IFT122: variants seen among roughly 807,000 people sequenced by gnomAD.
The protein encoded by IFT122 is intraflagellar transport 122.
IFT122 carries 118 observed loss-of-function variants against 161.6 expected under a neutral mutation model. The ratio of observed to expected loss-of-function variants is 0.73; its 90% CI spans 0.63 to 0.85. IFT122 has a LOEUF of 0.85. Ranked by LOEUF, IFT122 falls within the 40% of genes least tolerant of loss-of-function variation. IFT122 has a pLI of 0.00. For missense variants in IFT122, 1,381 were observed against 1,579.6 expected, an observed-to-expected ratio of 0.87 and a Z score of 2.13; for synonymous variants, 550 against 602.4, an observed-to-expected ratio of 0.91 and a Z score of 1.27.
chr3:129,472,251 T>C (rs1205607953), intron 9 of IFT122, among the ~76,000 whole-genome samples: 1 of 152,104 alleles, frequency 6.6e-6, no homozygotes, highest in East Asian at 1.9e-4. Flanking sequence ...CCCCCTGGGC[T>C]CAAGGAATCT....
At chr3:129,451,648 T>C (rs1266429520) in intron 2 of IFT122, among the ~76,000 whole-genome samples, 1 of 152,202 alleles carries the variant, frequency 6.6e-6, no homozygotes, top group Non-Finnish European at 1.5e-5. Flanking sequence ...GTATAAAGAA[T>C]TTCCATGGAG....
chr3:129,461,197 G>A (rs184862282), intron 4 of IFT122, 31 bp from the exon 5 acceptor site: 217 of 1,545,912 alleles, frequency 1.4e-4, no homozygotes, highest in Admixed American at 6.2e-4. Context: ...GTGGTTTGCT[G>A]CATAGTAATC....
rs148188237 is a variant in IFT122 at position 129,502,759 on chromosome 3, G to C, written c.2424G>C (p.Leu808=). 3.8e-5 allele frequency: 61 copies of C among 1,612,078 alleles called. No homozygotes were observed. The African/African-American group carries it at 7.5e-4, about 20-fold the overall frequency. ...RKLDKAEREP[L]LLCATYLKKL... ...TGGACAAGGCTGAGCGCGAGCCCCT[G>C]CTGCTGTGCGCTACCTACCTCAAGA... Residue 808 remains leucine, a synonymous_variant, in exon 20 of 30, where the codon CTG becomes CTC. Coordinates refer to ENST00000348417, the MANE Select transcript of IFT122 (RefSeq NM_052989.3).
At chr3:129,470,064 T>A (rs926690706) in intron 9 of IFT122, among the ~76,000 whole-genome samples, 1 of 151,866 alleles carries the variant, frequency 6.6e-6, no homozygotes. Context: ...CATCTTTGAG[T>A]TAGGCTAAGG....
At chr3:129,440,399 C>T (rs933960685) in intron 1 of IFT122, 28 bp downstream of exon 1, 1 of 1,549,556 alleles carries the variant, frequency 6.5e-7, no homozygotes, top group African/African-American at 1.4e-5. Flanking sequence ...TCGCGAAGAG[C>T]AGGAGGTCGA....
chr3:129,504,321 C>T lies in IFT122; in HGVS notation c.2550C>T (p.Ala850=), dbSNP rs1332593240. ...LHVETQRWDE[A]FALGEKHPEF... is the part of the protein sequence containing the mutation. The stretch of plus-strand genomic sequence containing the variant: ...ACTTCATTTGCTCCTTCCCCCAGGC[C>T]TTTGCTTTGGGTGAGAAGCATCCTG... Residue 850 remains alanine, a splice_region_variant and synonymous_variant, in exon 21 of 30, where the codon GCC becomes GCT. Coordinates refer to ENST00000348417, the MANE Select transcript of IFT122 (RefSeq NM_052989.3). The T allele has an allele frequency of 6.2e-7, 1 of 1,613,310 alleles. No individual in the cohort carries two copies.
Position 129,440,357 on chromosome 3 carries a change from T to G in IFT122, c.27T>G (p.Asp9Glu), listed in dbSNP as rs1279088344. 23 of 1,550,542 alleles carry G rather than the reference T, an allele frequency of 1.5e-5. 1 individual carries two copies. The East Asian group carries it at 2.2e-4, about 15-fold the overall frequency. The change falls in exon 1 of 30, where the codon GAT becomes GAG. Residue 9 changes from aspartate (D) to glutamate (E), a missense_variant. Around this residue, in one of 7 missense-constraint regions of IFT122, gnomAD observed 134 missense variants for 137.4 expected, o/e 0.98. Coordinates refer to ENST00000348417, the MANE Select transcript of IFT122 (RefSeq NM_052989.3). ...TGAGGGCCGTGTTGACGTGGAGAGA[T>G]AAAGCCGAGCACTGGTGAGGAGCGG... MRAVLTWR[D>E]KAEHCINDIA...
intron 1 of IFT122, among the ~76,000 whole-genome samples, chr3:129,441,116 T>C (rs1006051021): frequency 6.6e-6 from 1 of 152,268 alleles, no homozygotes; most frequent in Non-Finnish European, 1.5e-5. Context: ...TCCATTGTTA[T>C]CGCCTAAATC....
intron 4 of IFT122, chr3:129,459,227 C>A: frequency 4.5e-6 from 2 of 442,936 alleles, no homozygotes; most frequent in East Asian, 7.1e-5. Flanking sequence ...ATTCTGGTGA[C>A]TGATCAGTAT....
At chr3:129,493,898 G>A (rs144515719) in intron 17 of IFT122, among the ~76,000 whole-genome samples, 97 of 152,288 alleles carry the variant, frequency 6.4e-4, no homozygotes, top group Non-Finnish European at 1.1e-3. Flanking sequence ...TGGGAAGTGC[G>A]TTAAAGTAAA....
chr3:129,486,412 A>G (rs1028591096), intron 15 of IFT122, among the ~76,000 whole-genome samples: 4 of 152,224 alleles, frequency 2.6e-5, no homozygotes, highest in African/African-American at 4.8e-5. Context: ...CCAAATTTCT[A>G]TTATTATTTC....
At chr3:129,482,959 T>C (rs2078852525) in intron 14 of IFT122, among the ~76,000 whole-genome samples, 1 of 152,148 alleles carries the variant, frequency 6.6e-6, no homozygotes, top group African/African-American at 2.4e-5. Context: ...CCTAGAATCA[T>C]ACAAGTGTGG....
chr3:129,448,161 G>A (rs1480672557), intron 1 of IFT122, among the ~76,000 whole-genome samples: 4 of 152,052 alleles, frequency 2.6e-5, no homozygotes, highest in Admixed American at 2.6e-4. Flanking sequence ...CTGTTGAAGC[G>A]GCGTCATTGT....
Position 129,519,108 on chromosome 3 carries a change from C to T in IFT122, c.3393C>T (p.Ser1131=), listed in dbSNP as rs767085658. ...DDRQLEIANN[S]SQILRLVETK... ...CCATCCTTGACCAGATCCCTCCAGG[C>T]TCCCAGATTCTGCGGCTAGTGGAGA... Residue 1131 remains serine (S), a splice_region_variant and synonymous_variant, in exon 28 of 30, where the codon AGC becomes AGT. Transcript: ENST00000348417. 2 of 1,613,824 alleles carry T rather than the reference C, an allele frequency of 1.2e-6. No individual in the cohort carries two copies. Among genetic ancestry groups the T allele is most frequent in the South Asian group, 1.1e-5 (1 of 91,078 alleles).
rs757911332 is a variant in IFT122 at position 129,492,156 on chromosome 3, C to T, written c.2008C>T (p.Gln670Ter). 2 of 1,613,026 alleles carry T rather than the reference C, an allele frequency of 1.2e-6. No homozygotes were observed. The highest frequency in any genetic ancestry group is 1.3e-5 in the African/African-American group (1 of 74,962). ...ETAKKAFIRV[Q>*]DLRYLELISS... Reference sequence around the variant, plus strand: ...TTCGCCACAGGCCTTCATCAGAGTACAAGACCTCCGATATTTAGAGCTCAT... The same window carrying T: ...TTCGCCACAGGCCTTCATCAGAGTATAAGACCTCCGATATTTAGAGCTCAT... Residue 670 changes from glutamine (Q) to a stop codon, truncating the protein, a stop_gained, in exon 17 of 30, where the codon CAA (glutamine) becomes TAA (stop). Transcript: ENST00000348417. LOFTEE classifies it high-confidence loss of function.
chr3:129,501,613 C>A (rs1482068262), intron 19 of IFT122, among the ~76,000 whole-genome samples: 1 of 152,204 alleles, frequency 6.6e-6, no homozygotes, highest in Non-Finnish European at 1.5e-5. Flanking sequence ...TTGTCACTTT[C>A]ATTTGTAAGT....
At chr3:129,499,399 C>T (rs1054526012) in intron 18 of IFT122, among the ~76,000 whole-genome samples, 1 of 147,772 alleles carries the variant, frequency 6.8e-6, no homozygotes, top group African/African-American at 2.6e-5. Context: ...TTTAGGGGAA[C>T]CCATGCTCAG....
intron 1 of IFT122, among the ~76,000 whole-genome samples, chr3:129,442,919 C>T (rs948618064): frequency 6.6e-6 from 1 of 152,162 alleles, no homozygotes; most frequent in African/African-American, 2.4e-5. Context: ...CCAAATGCTC[C>T]CTTATTCTAT....
intron 27 of IFT122, among the ~76,000 whole-genome samples, chr3:129,518,426 C>G (rs1041587583): frequency 6.6e-6 from 1 of 152,206 alleles, no homozygotes; most frequent in African/African-American, 2.4e-5. Flanking sequence ...GGGCTGTAAG[C>G]CTGCCTTCCT....
Sources: allele counts gnomAD v4.1 joint callset (sites outside exome capture counted in the v4.1 genomes callset), GRCh38; gene constraint gnomAD v4.1.1; regional missense constraint gnomAD v4.1.1; transcripts MANE v1.5; gene names NCBI Gene and HGNC (gene_info 2026-07-23, HGNC 2026-07-21).